Variants in ANKRD30BL observed in about 807,000 individuals in gnomAD.
ANKRD30BL encodes putative ankyrin repeat domain-containing protein 30B-like.
Under a neutral mutation model 18.4 loss-of-function variants are expected in ANKRD30BL, and 20 were observed. The ratio of observed to expected loss-of-function variants is 1.09; its 90% CI spans 0.77 to 1.58. ANKRD30BL has a LOEUF of 1.58. Ranked by LOEUF, ANKRD30BL falls within the 40% of genes most tolerant of loss-of-function variation. ANKRD30BL has a pLI of 0.00. For missense variants in ANKRD30BL, 224 were observed against 268.6 expected, an observed-to-expected ratio of 0.83 and a Z score of 1.16; for synonymous variants, 72 against 100.9, an observed-to-expected ratio of 0.71 and a Z score of 1.72.
At chr2:132,198,163 G>A (rs1473119684) in intron 1 of ANKRD30BL, among the ~76,000 whole-genome samples, 1 of 151,676 alleles carries the variant, frequency 6.6e-6, no homozygotes, top group Non-Finnish European at 1.5e-5. Context: ...TTTAACAAGA[G>A]TTATTGTTTT....
chr2:132,151,422 A>T (rs1573796411), intron 4 of ANKRD30BL, among the ~76,000 whole-genome samples: 1 of 152,156 alleles, frequency 6.6e-6, no homozygotes, highest in Non-Finnish European at 1.5e-5. Flanking sequence ...AAGCAAAAAA[A>T]ATTTGTTCTT....
upstream of ANKRD30BL, among the ~76,000 whole-genome samples, chr2:132,162,887 T>A (rs1448920029): frequency 2.6e-5 from 4 of 152,202 alleles, no homozygotes; most frequent in African/African-American, 9.6e-5. Flanking sequence ...TGCTTGGCCG[T>A]ATTTGCCTGT....
intron 1 of ANKRD30BL, among the ~76,000 whole-genome samples, chr2:132,185,225 G>A (rs1214009486): frequency 6.6e-6 from 1 of 152,160 alleles, no homozygotes; most frequent in African/African-American, 2.4e-5. Context: ...ATTATTTTAT[G>A]TAGAGAACAT....
chr2:132,188,856 T>C (rs1054294469), intron 1 of ANKRD30BL, among the ~76,000 whole-genome samples: 2 of 152,218 alleles, frequency 1.3e-5, no homozygotes, highest in African/African-American at 2.4e-5. Context: ...TTGGTTCTAC[T>C]ACATACATCA....
At chr2:132,242,813 A>C (rs1389356707) in intron 1 of ANKRD30BL, among the ~76,000 whole-genome samples, 1 of 151,458 alleles carries the variant, frequency 6.6e-6, no homozygotes, top group East Asian at 1.9e-4. Context: ...CTTTTGAAAC[A>C]CTCTTTTTGT....
chr2:132,206,408 A>G (rs997455193), intron 1 of ANKRD30BL, among the ~76,000 whole-genome samples: 2 of 152,180 alleles, frequency 1.3e-5, no homozygotes, highest in African/African-American at 4.8e-5. Flanking sequence ...GTCTGAACCC[A>G]GGATATCAGG....
At chr2:132,238,437 G>A (rs549881079) in intron 1 of ANKRD30BL, among the ~76,000 whole-genome samples, 3 of 151,844 alleles carry the variant, frequency 2.0e-5, no homozygotes, top group South Asian at 2.1e-4. Flanking sequence ...CTCTGGGAAC[G>A]GGTATATATT....
At chr2:132,188,445 G>A (rs1008202450) in intron 1 of ANKRD30BL, among the ~76,000 whole-genome samples, 1 of 152,176 alleles carries the variant, frequency 6.6e-6, no homozygotes, top group Non-Finnish European at 1.5e-5. Flanking sequence ...GGCAGGGCGC[G>A]GTGGCTCACG....
chr2:132,188,750 T>C (rs200849859), intron 1 of ANKRD30BL, among the ~76,000 whole-genome samples: 2 of 152,040 alleles, frequency 1.3e-5, no homozygotes, highest in South Asian at 2.1e-4. Context: ...ATTAACACCT[T>C]GCTTATTATA....
At chr2:132,198,856 G>A (rs1311986352) in intron 1 of ANKRD30BL, among the ~76,000 whole-genome samples, 4 of 152,038 alleles carry the variant, frequency 2.6e-5, no homozygotes, top group Non-Finnish European at 5.9e-5. Flanking sequence ...GACCTCAGGT[G>A]ATCCACCCAG....
chr2:132,237,901 C>A (rs1321072074), intron 1 of ANKRD30BL, among the ~76,000 whole-genome samples: 1 of 151,430 alleles, frequency 6.6e-6, no homozygotes, highest in Non-Finnish European at 1.5e-5. Context: ...ACTCTTTTTG[C>A]AGAGTCTGCA....
At position 132,148,247 on chromosome 2, in the gene ANKRD30BL, G is replaced by A. The variant is rs1687661164; in HGVS notation, c.680-19C>T. On this transcript the variant is annotated intron_variant, in intron 5 of 5. Coordinates refer to ENST00000409867, the MANE Select transcript of ANKRD30BL (RefSeq NM_001358416.1). Reference sequence around the variant, plus strand: ...GTTCCTTCTGCCAAACACAGAGTCTGGTTAAATTTTCCTTCGCTAAATATC... The same window carrying A: ...GTTCCTTCTGCCAAACACAGAGTCTAGTTAAATTTTCCTTCGCTAAATATC... 1 of 1,587,176 alleles carries A rather than the reference G, an allele frequency of 6.3e-7. No homozygotes were observed. Among genetic ancestry groups the A allele is most frequent in the Admixed American group, 1.7e-5 (1 of 57,538 alleles).
At chr2:132,221,125 G>A (rs1286376756) in intron 1 of ANKRD30BL, among the ~76,000 whole-genome samples, 1 of 147,986 alleles carries the variant, frequency 6.8e-6, no homozygotes, top group Non-Finnish European at 1.5e-5. Flanking sequence ...CCTCCGTCCA[G>A]CAGCCACCCC....
chr2:132,251,342 G>A (rs991785757), intron 1 of ANKRD30BL, among the ~76,000 whole-genome samples: 3 of 152,136 alleles, frequency 2.0e-5, no homozygotes, highest in Non-Finnish European at 4.4e-5. Flanking sequence ...GTGTATGTGT[G>A]TCCATGTGTT....
Position 132,161,740 on chromosome 2 carries a change from C to T in ANKRD30BL, c.-35G>A. On this transcript the variant is annotated 5_prime_UTR_variant, in exon 1 of 6. Transcript: ENST00000409867. The stretch of plus-strand genomic sequence containing the variant: ...CACCTGCTAGAGAGAGCCCGTGCCT[C>T]CCGCTGCTCGCCCTTCCCCAGTCCC... 1 of 1,038,626 alleles carries T rather than the reference C, an allele frequency of 9.6e-7. No individual in the cohort carries two copies. The highest frequency in any genetic ancestry group is 1.5e-6 in the Non-Finnish European group (1 of 684,122). The allele number at this position is 1,038,626 out of a possible 1,614,324, so 64.3% of individuals were successfully genotyped here.
intron 1 of ANKRD30BL, among the ~76,000 whole-genome samples, chr2:132,245,040 T>G (rs1680455947): frequency 6.6e-6 from 1 of 152,294 alleles, no homozygotes; most frequent in Non-Finnish European, 1.5e-5. Flanking sequence ...ACACTGTTCT[T>G]GTAGAATTTA....
intron 1 of ANKRD30BL, among the ~76,000 whole-genome samples, chr2:132,243,266 G>A (rs970052230): frequency 1.6e-4 from 24 of 151,774 alleles, no homozygotes; most frequent in Non-Finnish European, 2.7e-4. Flanking sequence ...ATTTCTTTGT[G>A]ATGTGTGTAC....
Position 132,171,781 on chromosome 2 carries a change from A to G in ANKRD30BL, n.442-14635T>C, listed in dbSNP as rs1164270757. ...GAATTTTAAATGAACAGTTCAGAGGACATTACATTCACCAAATTGCACAAC... is the reference window on the plus strand; with the variant it reads ...GAATTTTAAATGAACAGTTCAGAGGGCATTACATTCACCAAATTGCACAAC... On this transcript the variant is annotated intron_variant and non_coding_transcript_variant, in intron 1 of 4. Transcript: ENST00000470729. 2.6e-5 allele frequency among the ~76,000 whole-genome samples: 4 copies of G among 152,348 alleles called. No homozygotes were observed. The East Asian group carries it at 7.7e-4, about 29-fold the overall frequency.
At chr2:132,186,914 C>G (rs1688570471) in intron 1 of ANKRD30BL, among the ~76,000 whole-genome samples, 1 of 151,928 alleles carries the variant, frequency 6.6e-6, no homozygotes, top group South Asian at 2.1e-4. Flanking sequence ...TGTCATCTTT[C>G]TTTTGCTGTT....
Sources: allele counts gnomAD v4.1 joint callset (sites outside exome capture counted in the v4.1 genomes callset), GRCh38; gene constraint gnomAD v4.1.1; transcripts MANE v1.5; gene names NCBI Gene and HGNC (gene_info 2026-07-23, HGNC 2026-07-21).